Variants in TTBK2 observed in about 807,000 individuals in gnomAD.
The protein encoded by TTBK2 is tau tubulin kinase 2, also known as tau-tubulin kinase 2.
TTBK2 carries 28 observed loss-of-function variants against 110.8 expected under a neutral mutation model. The ratio of observed to expected loss-of-function variants is 0.25; its 90% CI spans 0.19 to 0.35. TTBK2 has a LOEUF of 0.35. Among genes scored for constraint, TTBK2 ranks in the 10% least tolerant of loss-of-function variants. The probability of loss-of-function intolerance (pLI) is 1.00; values close to 1 mark genes in which losing one functional copy is unlikely to be tolerated. For missense variants in TTBK2, 1,369 were observed against 1,500.3 expected, an observed-to-expected ratio of 0.91 and a Z score of 1.45; for synonymous variants, 532 against 527.3, an observed-to-expected ratio of 1.01 and a Z score of -0.12.
chr15:42,763,504 GCGT>G (rs1237671629), intron 13 of TTBK2, among the ~76,000 whole-genome samples: 1 of 151,612 alleles, frequency 6.6e-6, no homozygotes, highest in Non-Finnish European at 1.5e-5. Context: ...ATGAGCCACT[GCGT>G]CTGGCCCAAT....
At chr15:42,859,420 T>C (rs1011815541) in intron 3 of TTBK2, among the ~76,000 whole-genome samples, 5 of 152,180 alleles carry the variant, frequency 3.3e-5, no homozygotes, top group African/African-American at 1.2e-4. Flanking sequence ...CCTGGGGTTT[T>C]ACTGAAGCTT....
At chr15:42,887,203 G>C (rs1388593934) in intron 1 of TTBK2, among the ~76,000 whole-genome samples, 1 of 151,884 alleles carries the variant, frequency 6.6e-6, no homozygotes, top group Non-Finnish European at 1.5e-5. Context: ...ACTCCTTTTT[G>C]GTCATCCCCA....
At chr15:42,785,994 T>C (rs1236940430) in intron 10 of TTBK2, among the ~76,000 whole-genome samples, 1 of 152,168 alleles carries the variant, frequency 6.6e-6, no homozygotes, top group Non-Finnish European at 1.5e-5. Flanking sequence ...AGGGACTTGT[T>C]CCACCTGACT....
intron 13 of TTBK2, among the ~76,000 whole-genome samples, chr15:42,759,044 C>A (rs1180208521): frequency 1.3e-5 from 2 of 152,226 alleles, no homozygotes; most frequent in African/African-American, 4.8e-5. Flanking sequence ...GAAGCCACTG[C>A]ACCTGTCCAG....
intron 1 of TTBK2, among the ~76,000 whole-genome samples, chr15:42,904,145 C>T (rs1388377945): frequency 6.6e-6 from 1 of 152,172 alleles, no homozygotes; most frequent in Non-Finnish European, 1.5e-5. Context: ...AGAGTATCCA[C>T]CCGAGTCATA....
chr15:42,770,086 ACAC>A (rs1889597636), intron 13 of TTBK2, among the ~76,000 whole-genome samples: 1 of 127,424 alleles, frequency 7.8e-6, no homozygotes, highest in South Asian at 2.9e-4. Context: ...GGAACATCAC[ACAC>A]CAGGGCCTGT....
chr15:42,768,066 T>G (rs1335711566), intron 13 of TTBK2, among the ~76,000 whole-genome samples: 1 of 152,222 alleles, frequency 6.6e-6, no homozygotes, highest in African/African-American at 2.4e-5. Flanking sequence ...TCAACAGCCC[T>G]TCGTGCTAAA....
intron 1 of TTBK2, among the ~76,000 whole-genome samples, chr15:42,888,151 A>G (rs1895317090): frequency 6.6e-6 from 1 of 152,104 alleles, no homozygotes; most frequent in Non-Finnish European, 1.5e-5. Flanking sequence ...TAATACTTTT[A>G]GAGGCCCTCA....
At chr15:42,911,306 G>A (rs945389687) in intron 1 of TTBK2, among the ~76,000 whole-genome samples, 1 of 152,056 alleles carries the variant, frequency 6.6e-6, no homozygotes, top group African/African-American at 2.4e-5. Flanking sequence ...ATATCCCATC[G>A]AGAGGTAGGA....
Position 42,775,511 on chromosome 15 carries a change from C to A in TTBK2, c.1622G>T (p.Ser541Ile). The A allele has an allele frequency of 6.2e-7, 1 of 1,614,226 alleles. No individual in the cohort carries two copies. The highest frequency in any genetic ancestry group is 8.5e-7 in the Non-Finnish European group (1 of 1,180,040). The change falls in exon 13 of 15, where the codon AGC (serine) becomes ATC (isoleucine). Residue 541 changes from serine (S) to isoleucine (I), a missense_variant. Ser to Ile is a moderately radical substitution (Grantham distance 142). This residue lies in a region of TTBK2 where 1,097 missense variants were observed against 1,114.7 expected (regional missense o/e 0.98). Transcript: ENST00000267890. ...GGAATCAATTTCTTGCTTGCAAGAG[C>A]TCAGGTTAACAGCTATAAATCCATT... ...GSNGFIAVNLSSCKQEIDSKE... is the reference protein window; with the variant it reads ...GSNGFIAVNLISCKQEIDSKE...
intron 13 of TTBK2, among the ~76,000 whole-genome samples, chr15:42,763,236 A>G (rs1421020437): frequency 9.3e-5 from 5 of 53,816 alleles, no homozygotes; most frequent in African/African-American, 3.6e-4. Context: ...TTTTTTTGAG[A>G]CAGAGTCTTA....
At chr15:42,750,208 T>G (rs1038301762) in intron 14 of TTBK2, among the ~76,000 whole-genome samples, 5 of 151,688 alleles carry the variant, frequency 3.3e-5, no homozygotes, top group African/African-American at 1.2e-4. Context: ...ATAAAAAAAC[T>G]TACACAGAAA....
At chr15:42,860,640 C>CT (rs796405914) in intron 3 of TTBK2, among the ~76,000 whole-genome samples, 22,565 of 102,044 alleles carry the variant, frequency 0.22, 3,050 homozygotes, top group African/African-American at 0.37. Context: ...GGTATTCTTT[C>CT]TTTTTTTTTT....
At chr15:42,860,350 C>A (rs939013103) in intron 3 of TTBK2, among the ~76,000 whole-genome samples, 7 of 151,710 alleles carry the variant, frequency 4.6e-5, no homozygotes, top group African/African-American at 1.5e-4. Context: ...GATAAAGAAA[C>A]AATTCTGACT....
intron 3 of TTBK2, among the ~76,000 whole-genome samples, chr15:42,850,870 G>C (rs961536187): frequency 1.3e-4 from 19 of 151,952 alleles, no homozygotes; most frequent in Non-Finnish European, 2.2e-4. Flanking sequence ...AAAAAAGCAG[G>C]AATTACCCAA....
At chr15:42,881,411 C>G (rs1276555969) in intron 1 of TTBK2, among the ~76,000 whole-genome samples, 1 of 145,874 alleles carries the variant, frequency 6.9e-6, no homozygotes, top group East Asian at 2.0e-4. Flanking sequence ...CACAAAGAAC[C>G]AAGAATATCT....
Position 42,827,150 on chromosome 15 carries a change from T to C in TTBK2, c.537+778A>G, listed in dbSNP as rs559110432. On this transcript the variant is annotated intron_variant, in intron 6 of 14. Coordinates refer to ENST00000267890, the MANE Select transcript of TTBK2 (RefSeq NM_173500.4). The stretch of plus-strand genomic sequence containing the variant: ...CTTACTGGTACCACTACCATCACAG[T>C]GTAATTGTGGTCATACCCAAAGACG... 4.6e-5 allele frequency among the ~76,000 whole-genome samples: 7 copies of C among 152,238 alleles called. No homozygotes were observed. In the East Asian group the frequency reaches 9.6e-4, roughly 21 times the overall value.
At chr15:42,900,906 A>G (rs1424501681) in intron 1 of TTBK2, among the ~76,000 whole-genome samples, 1 of 152,188 alleles carries the variant, frequency 6.6e-6, no homozygotes, top group African/African-American at 2.4e-5. Flanking sequence ...AAGAGTCCCA[A>G]GATCACTCAA....
rs778119992 is a variant in TTBK2, at chr15:42,794,669, T to C, written c.955A>G (p.Thr319Ala). 6.2e-7 allele frequency: 1 copy of C among 1,613,926 alleles called. No homozygotes were observed. The highest frequency in any genetic ancestry group is 1.7e-5 in the Admixed American group (1 of 60,002). Residue 319 changes from threonine to alanine, a missense_variant, in exon 10 of 15, where the codon ACT (threonine) becomes GCT (alanine). Around this residue, in one of 4 missense-constraint regions of TTBK2, gnomAD observed 1,097 missense variants for 1,114.7 expected, o/e 0.98. Transcript: ENST00000267890. ...CCAATTGCAGCAGGGGTCAAGCGAG[T>C]GTGCAACTGAGGGGTGGTAGAAGTA... ...TTTSTTPQLH[T>A]RLTPAAIGIA... is the part of the protein sequence containing the mutation.
Sources: gnomAD v4.1 joint callset for allele counts (sites outside exome capture counted in the v4.1 genomes callset) on GRCh38, gnomAD v4.1.1 for gene constraint, gnomAD v4.1.1 regional missense constraint, MANE v1.5 for transcripts, NCBI Gene and HGNC (gene_info 2026-07-23, HGNC 2026-07-21) for gene names.